Variants in PRTG observed in about 807,000 individuals in gnomAD.
The protein encoded by PRTG is immunoglobulin superfamily, DCC subclass, member 5.
PRTG carries 67 observed loss-of-function variants against 122.5 expected under a neutral mutation model. The observed-to-expected ratio is 0.55, with a 90% CI of 0.45 to 0.67. The LOEUF (loss-of-function observed/expected upper bound fraction) is 0.67. Ranked by LOEUF, PRTG falls within the 30% of genes least tolerant of loss-of-function variation. The pLI is 0.00. For synonymous variants in PRTG, 554 were observed against 501.1 expected (o/e 1.11, Z -1.41); for missense variants, 1,435 against 1,415.4 (o/e 1.01, Z -0.22).
intron 1 of PRTG, among the ~76,000 whole-genome samples, chr15:55,741,771 C>G (rs116078898): frequency 1.3e-5 from 2 of 152,292 alleles, no homozygotes; most frequent in Admixed American, 1.3e-4. Context: ...CCCTGCTTCC[C>G]GTAATGTATG....
At position 55,682,338 on chromosome 15, in the gene PRTG, A is replaced by G. The variant is rs192032951; in HGVS notation, c.676+26T>C. 35 of 1,536,236 alleles carry G rather than the reference A, an allele frequency of 2.3e-5. No individual in the cohort carries two copies. The East Asian group carries it at 8.2e-4, about 36-fold the overall frequency. On this transcript the variant is annotated intron_variant, in intron 4 of 19. Transcript: ENST00000389286. ...AACTGCGCCAATAAAACGTCATAAA[A>G]ATGGAAAAACCACTCTGCGTGGTAC...
chr15:55,675,000 T>TCA, intron 9 of PRTG, among the ~76,000 whole-genome samples: 2 of 152,212 alleles, frequency 1.3e-5, no homozygotes, highest in Middle Eastern at 3.4e-3. Flanking sequence ...CCTAAAAGAA[T>TCA]CACAACTCAA....
chr15:55,690,082 G>A (rs995490224), intron 2 of PRTG, among the ~76,000 whole-genome samples: 7 of 152,164 alleles, frequency 4.6e-5, no homozygotes, highest in African/African-American at 1.7e-4. Flanking sequence ...ACACGAAGGA[G>A]TTAATTTCCA....
At chr15:55,645,612 G>A (rs917302618) in intron 11 of PRTG, among the ~76,000 whole-genome samples, 17 of 151,760 alleles carry the variant, frequency 1.1e-4, no homozygotes, top group East Asian at 3.9e-4. Context: ...TTAAATACAC[G>A]TAAATACACA....
intron 11 of PRTG, among the ~76,000 whole-genome samples, 190 bp downstream of exon 11, chr15:55,672,255 C>T (rs1438757270): frequency 6.6e-6 from 1 of 152,170 alleles, no homozygotes; most frequent in Non-Finnish European, 1.5e-5. Context: ...GATATTTTGC[C>T]ACTGGACTCA....
chr15:55,718,059 T>A (rs920772682), intron 2 of PRTG, among the ~76,000 whole-genome samples: 1 of 152,190 alleles, frequency 6.6e-6, no homozygotes, highest in Non-Finnish European at 1.5e-5. Flanking sequence ...TCACTAATTT[T>A]AAATCTGGTA....
intron 2 of PRTG, among the ~76,000 whole-genome samples, chr15:55,708,143 G>A (rs1373776461): frequency 1.2e-5 from 1 of 84,226 alleles, no homozygotes; most frequent in African/African-American, 5.7e-5. Flanking sequence ...GGAGGAGTAA[G>A]CTGGTAAAAA....
intron 2 of PRTG, among the ~76,000 whole-genome samples, chr15:55,715,964 T>A (rs183652720): frequency 1.3e-5 from 2 of 152,330 alleles, no homozygotes; most frequent in Admixed American, 1.3e-4. Flanking sequence ...CGCCCAACAC[T>A]TGTCTACATT....
At chr15:55,621,465 G>A (rs1312828282) in intron 18 of PRTG, among the ~76,000 whole-genome samples, 1 of 152,102 alleles carries the variant, frequency 6.6e-6, no homozygotes, top group African/African-American at 2.4e-5. Context: ...AGACCATCCT[G>A]GCTAACACAG....
At chr15:55,727,580 G>A (rs756965405) in intron 2 of PRTG, among the ~76,000 whole-genome samples, 28 of 152,202 alleles carry the variant, frequency 1.8e-4, no homozygotes, top group East Asian at 5.8e-4. Context: ...AGGACTGCCT[G>A]AGGTGAGGAA....
intron 2 of PRTG, among the ~76,000 whole-genome samples, chr15:55,703,156 T>C (rs2029956427): frequency 6.6e-6 from 1 of 152,192 alleles, no homozygotes; most frequent in South Asian, 2.1e-4. Context: ...TTTGAGTACT[T>C]CTTCAGGATT....
intron 11 of PRTG, among the ~76,000 whole-genome samples, chr15:55,646,408 C>T (rs908325007): frequency 1.3e-5 from 2 of 151,768 alleles, no homozygotes; most frequent in Admixed American, 6.6e-5. Context: ...CTGCAAGCTC[C>T]GCCTACAGGG....
intron 3 of PRTG, among the ~76,000 whole-genome samples, 163 bp from the exon 4 acceptor site, chr15:55,682,660 G>A (rs1427865030): frequency 1.1e-4 from 17 of 151,694 alleles, no homozygotes; most frequent in African/African-American, 4.1e-4. Flanking sequence ...TGTCTCCAGG[G>A]TTCAAGCGAT....
chr15:55,695,977 A>C (rs956111127), intron 2 of PRTG, among the ~76,000 whole-genome samples: 10 of 152,122 alleles, frequency 6.6e-5, no homozygotes, highest in African/African-American at 2.4e-4. Context: ...TCTCAAAACA[A>C]AACACAACAC....
At chr15:55,681,171 C>T (rs1053556110) in intron 4 of PRTG, 2 of 152,024 alleles carry the variant, frequency 1.3e-5, no homozygotes, top group African/African-American at 4.8e-5. Context: ...AGGTTATTTT[C>T]CGTATCATTA....
intron 2 of PRTG, among the ~76,000 whole-genome samples, chr15:55,688,260 T>C (rs998466818): frequency 1.3e-5 from 2 of 152,192 alleles, no homozygotes; most frequent in Non-Finnish European, 1.5e-5. Flanking sequence ...GGGTCTATGA[T>C]ACTACATGCT....
chr15:55,637,402 C>A, intron 14 of PRTG, 62 bp from the exon 15 acceptor site: 2 of 1,375,126 alleles, frequency 1.5e-6, no homozygotes, highest in South Asian at 2.0e-5. Context: ...TACTCAAATA[C>A]CTGGCTTATA....
intron 18 of PRTG, among the ~76,000 whole-genome samples, chr15:55,623,501 G>C (rs1446756940): frequency 6.6e-6 from 1 of 151,954 alleles, no homozygotes; most frequent in Non-Finnish European, 1.5e-5. Context: ...GGGAGGTGGA[G>C]GTCACAGTGA....
chr15:55,658,417 G>A (rs1157660075), intron 11 of PRTG, among the ~76,000 whole-genome samples: 1 of 151,932 alleles, frequency 6.6e-6, no homozygotes, highest in Non-Finnish European at 1.5e-5. Context: ...CCAGGTTCAA[G>A]CGATTCTCTG....
Sources: allele counts gnomAD v4.1 joint callset (sites outside exome capture counted in the v4.1 genomes callset), GRCh38; gene constraint gnomAD v4.1.1; transcripts MANE v1.5; gene names NCBI Gene and HGNC (gene_info 2026-07-23, HGNC 2026-07-21).